Variants in TSGA10 observed in about 807,000 individuals in gnomAD.
TSGA10 encodes the protein testis specific 10, also known as testis-specific gene 10 protein.
In TSGA10, 43 loss-of-function variants were observed where a neutral mutation model predicts 96.6. That is an observed-to-expected ratio of 0.44 (90% confidence interval 0.35 to 0.57). The LOEUF (loss-of-function observed/expected upper bound fraction) is 0.57. Among genes scored for constraint, TSGA10 ranks in the 20% least tolerant of loss-of-function variants. TSGA10 has a pLI of 0.01. For missense variants in TSGA10, 703 were observed against 834.4 expected (o/e 0.84, Z 1.94); for synonymous variants, 229 against 269.9 (o/e 0.85, Z 1.48).
chr2:99,018,183 TC>T lies in TSGA10; in HGVS notation c.2072+16del, dbSNP rs1294555975. The stretch of plus-strand genomic sequence containing the variant: ...TGCTATTTGATCTCAAGAGAATGGA[TC>T]CTTAAATAGACTCACTCTTCTAATG... On this transcript the variant is annotated intron_variant, in intron 20 of 20. Coordinates refer to ENST00000393483, the MANE Select transcript of TSGA10 (RefSeq NM_025244.4). The T allele has an allele frequency of 9.9e-6, 16 of 1,613,794 alleles. No individual in the cohort carries two copies. Among genetic ancestry groups the T allele is most frequent in the Middle Eastern group, 3.3e-4 (2 of 6,062 alleles).
At chr2:99,074,923 AC>A (rs1364251636) in intron 12 of TSGA10, among the ~76,000 whole-genome samples, 1 of 151,174 alleles carries the variant, frequency 6.6e-6, no homozygotes, top group Non-Finnish European at 1.5e-5. Context: ...GTGTCACTGC[AC>A]TCCAACCTGG....
intron 16 of TSGA10, among the ~76,000 whole-genome samples, chr2:99,064,664 CTGGGGA>C (rs1406690299): frequency 6.6e-6 from 1 of 152,028 alleles, no homozygotes; most frequent in Non-Finnish European, 1.5e-5. Context: ...CATGTGGGAG[CTGGGGA>C]TATGTTTATC....
chr2:99,022,707 G>T (rs1262243973), intron 17 of TSGA10, among the ~76,000 whole-genome samples: 1 of 152,126 alleles, frequency 6.6e-6, no homozygotes, highest in African/African-American at 2.4e-5. Flanking sequence ...ATAGATAGAA[G>T]TGACATTTAT....
At chr2:99,060,005 A>G (rs2084505614) in intron 16 of TSGA10, among the ~76,000 whole-genome samples, 2 of 152,170 alleles carry the variant, frequency 1.3e-5, no homozygotes, top group South Asian at 4.1e-4. Context: ...TTATGGCTAT[A>G]TATGAGGCAA....
intron 1 of TSGA10, chr2:99,141,275 C>T (rs2093540174): frequency 1.4e-6 from 1 of 698,888 alleles, no homozygotes; most frequent in Non-Finnish European, 1.9e-6. Context: ...AGGACGGAGC[C>T]CGCGGGAAGG....
Position 99,123,932 on chromosome 2 carries a change from A to G in TSGA10, c.-492+3116T>C, listed in dbSNP as rs548986515. ...CTTGGCTACTGTGAATAATGCTGCT[A>G]TGAGCATTTGTATATACGTATCTAC... On this transcript the variant is annotated intron_variant, in intron 2 of 20. Coordinates refer to ENST00000393483, the MANE Select transcript of TSGA10 (RefSeq NM_025244.4). Among the ~76,000 whole-genome samples the G allele has an allele frequency of 2.2e-4, 34 of 152,350 alleles. No homozygotes were observed. The South Asian group carries it at 6.8e-3, about 31-fold the overall frequency.
At chr2:99,142,907 T>G (rs2093586466) in intron 1 of TSGA10, among the ~76,000 whole-genome samples, 1 of 152,046 alleles carries the variant, frequency 6.6e-6, no homozygotes, top group Non-Finnish European at 1.5e-5. Context: ...ATAGAAAGAA[T>G]AAGAAAAGTT....
intron 17 of TSGA10, among the ~76,000 whole-genome samples, chr2:99,022,162 C>CA (rs2080088225): frequency 6.6e-6 from 1 of 151,546 alleles, no homozygotes; most frequent in South Asian, 2.1e-4. Context: ...TCCATCGCTA[C>CA]AAAAAATTCA....
At chr2:99,060,481 G>T (rs1178595993) in intron 16 of TSGA10, among the ~76,000 whole-genome samples, 1 of 152,140 alleles carries the variant, frequency 6.6e-6, no homozygotes, top group African/African-American at 2.4e-5. Flanking sequence ...CATGTTTATG[G>T]ATTGGAAGAC....
chr2:99,150,983 C>A, intron 1 of TSGA10: 1 of 522,868 alleles, frequency 1.9e-6, no homozygotes. Context: ...TCTTACACTG[C>A]ATTTTTTTAT....
At chr2:99,087,833 C>T (rs1035619771) in intron 10 of TSGA10, among the ~76,000 whole-genome samples, 2 of 151,886 alleles carry the variant, frequency 1.3e-5, no homozygotes, top group Non-Finnish European at 2.9e-5. Context: ...TAAAAACCAC[C>T]AAGCAAAAAA....
At chr2:99,106,713 T>C (rs573913920) in intron 7 of TSGA10, among the ~76,000 whole-genome samples, 1 of 150,718 alleles carries the variant, frequency 6.6e-6, no homozygotes, top group African/African-American at 2.4e-5. Context: ...CTGTTCTCCT[T>C]GATATTTCAG....
At chr2:99,140,001 A>G (rs1368343271) in intron 1 of TSGA10, among the ~76,000 whole-genome samples, 1 of 152,222 alleles carries the variant, frequency 6.6e-6, no homozygotes, top group African/African-American at 2.4e-5. Flanking sequence ...AAGCAACTCA[A>G]AAAGAAGACA....
Position 99,104,136 on chromosome 2 carries a change from C to T in TSGA10, c.460-18G>A. ...TCATCAAGCTATACAAGTAGAATGA[C>T]AAGGTTACTGCCATCACTAAAAACA... On this transcript the variant is annotated intron_variant, in intron 9 of 20. Coordinates refer to ENST00000393483, the MANE Select transcript of TSGA10 (RefSeq NM_025244.4). 1.2e-6 allele frequency: 2 copies of T among 1,612,284 alleles called. No individual in the cohort carries two copies. Among genetic ancestry groups the T allele is most frequent in the Non-Finnish European group, 1.7e-6 (2 of 1,179,364 alleles).
chr2:99,049,165 A>G (rs1386641103), intron 16 of TSGA10, among the ~76,000 whole-genome samples: 1 of 152,242 alleles, frequency 6.6e-6, no homozygotes, highest in Non-Finnish European at 1.5e-5. Context: ...TGTGGAAGAC[A>G]GTGTGGTGAT....
In TSGA10 at chr2:99,149,966, T is replaced by C. The variant is rs190594372; in HGVS notation, c.-621+4727A>G. On this transcript the variant is annotated intron_variant, in intron 1 of 20. Transcript: ENST00000393483. ...TGCCACCACACCCAGCTAATTTTTG[T>C]ATTTTTAGCAGAGATGGGGTTTCAC... is the stretch of plus-strand genomic sequence containing the variant. Among the ~76,000 whole-genome samples, 882 of 152,052 alleles carry C rather than the reference T, an allele frequency of 5.8e-3. 10 individuals carry two copies. Among genetic ancestry groups the C allele is most frequent in the African/African-American group, 0.02 (846 of 41,466 alleles).
chr2:99,041,980 G>T (rs759886385), intron 16 of TSGA10, among the ~76,000 whole-genome samples: 14 of 148,646 alleles, frequency 9.4e-5, no homozygotes, highest in South Asian at 2.1e-4. Context: ...CAGCAAGAAA[G>T]AAACAAACAA....
chr2:99,145,332 T>C (rs2105131308), intron 1 of TSGA10, among the ~76,000 whole-genome samples: 1 of 152,080 alleles, frequency 6.6e-6, no homozygotes, highest in East Asian at 1.9e-4. Context: ...CCAAGGCAGG[T>C]GGATCACTTG....
chr2:99,027,913 C>T (rs2080778638), intron 17 of TSGA10, among the ~76,000 whole-genome samples: 1 of 152,146 alleles, frequency 6.6e-6, no homozygotes, highest in Non-Finnish European at 1.5e-5. Context: ...AATACTGATC[C>T]TCCCCATCTT....
Sources: allele counts gnomAD v4.1 joint callset (sites outside exome capture counted in the v4.1 genomes callset), GRCh38; gene constraint gnomAD v4.1.1; transcripts MANE v1.5; gene names NCBI Gene and HGNC (gene_info 2026-07-23, HGNC 2026-07-21).